Variants in C2CD3 observed in about 807,000 individuals in gnomAD.
C2CD3 encodes the protein C2 domain-containing protein 3.
A neutral mutation model predicts 234.0 loss-of-function variants in C2CD3; 148 were observed. The ratio of observed to expected loss-of-function variants is 0.63; its 90% CI spans 0.55 to 0.72. C2CD3 has a LOEUF of 0.72. Among genes scored for constraint, C2CD3 ranks in the 30% least tolerant of loss-of-function variants. The pLI, the probability that C2CD3 is intolerant of heterozygous loss-of-function variation, is 0.00. For missense variants in C2CD3, 2,577 were observed against 2,811.5 expected, an observed-to-expected ratio of 0.92 and a Z score of 1.89; for synonymous variants, 1,000 against 1,035.4, an observed-to-expected ratio of 0.97 and a Z score of 0.66.
chr11:74,159,119 T>C (rs1405593758), intron 3 of C2CD3, among the ~76,000 whole-genome samples: 1 of 152,226 alleles, frequency 6.6e-6, no homozygotes, highest in African/African-American at 2.4e-5. Flanking sequence ...ACTATAGTGT[T>C]GTAATGTGGT....
At chr11:74,170,486 C>G (rs895199943) in intron 1 of C2CD3, among the ~76,000 whole-genome samples, 1 of 152,196 alleles carries the variant, frequency 6.6e-6, no homozygotes, top group African/African-American at 2.4e-5. Context: ...ATTGTTTGTT[C>G]TTCTCCTCTA....
At chr11:74,043,548 C>T (rs1167323512) in intron 28 of C2CD3, among the ~76,000 whole-genome samples, 1 of 152,076 alleles carries the variant, frequency 6.6e-6, no homozygotes, top group Admixed American at 6.6e-5. Flanking sequence ...TAAGGAACTT[C>T]CAGATTATTT....
At chr11:74,075,945 TATGAGAGAAACGG>T (rs1293370633) in intron 23 of C2CD3, among the ~76,000 whole-genome samples, 1 of 152,154 alleles carries the variant, frequency 6.6e-6, no homozygotes. Context: ...TATGGAGAAG[TATGAGAGAAACGG>T]ATGATCTGAA....
intron 28 of C2CD3, among the ~76,000 whole-genome samples, chr11:74,044,151 T>C (rs192642306): frequency 9.7e-4 from 147 of 151,176 alleles, no homozygotes; most frequent in Middle Eastern, 3.4e-3. Context: ...CCCCTTTATA[T>C]GTTCTAGATA....
In C2CD3 at chr11:74,090,859, T is replaced by C; in HGVS notation, c.3595A>G (p.Ile1199Val). 8 of 1,614,134 alleles carry C rather than the reference T, an allele frequency of 5.0e-6. No individual in the cohort carries two copies. The highest frequency in any genetic ancestry group is 5.9e-6 in the Non-Finnish European group (7 of 1,179,984). ...CAGGCTCTGATAATCTGGACTGAGA[T>C]GGAAACAGTTCGGGCAGCAAGAACT... ...EGVLAARTVS[I>V]SVQIIRACGL... The change falls in exon 20 of 33, where the codon ATC becomes GTC. Residue 1199 changes from isoleucine (I) to valine (V), a missense_variant. Coordinates refer to ENST00000334126, the MANE Select transcript of C2CD3 (RefSeq NM_001286577.2).
At position 74,118,687 on chromosome 11, in the gene C2CD3, C is replaced by T. The variant is rs143617206; in HGVS notation, c.1366-305G>A. ...CATATGTCTGGTATTATGCTTAATGCTACATGTATATTTCTAATATTCACC... is the reference window on the plus strand; with the variant it reads ...CATATGTCTGGTATTATGCTTAATGTTACATGTATATTTCTAATATTCACC... On this transcript the variant is annotated intron_variant, in intron 8 of 32. Coordinates refer to ENST00000334126, the MANE Select transcript of C2CD3 (RefSeq NM_001286577.2). 1.7e-3 allele frequency among the ~76,000 whole-genome samples: 254 copies of T among 152,198 alleles called. 1 individual carries two copies. Among genetic ancestry groups the T allele is most frequent in the African/African-American group, 5.8e-3 (240 of 41,520 alleles).
At chr11:74,049,290 G>T in intron 27 of C2CD3, 47 bp downstream of exon 27, 3 of 1,482,322 alleles carry the variant, frequency 2.0e-6, no homozygotes, top group Non-Finnish European at 1.9e-6. Context: ...TGTTCTTATA[G>T]GTCAGTACAA....
intron 3 of C2CD3, among the ~76,000 whole-genome samples, chr11:74,159,760 A>G (rs1856317949): frequency 2.0e-5 from 3 of 151,968 alleles, no homozygotes; most frequent in Admixed American, 2.0e-4. Flanking sequence ...GTAGTCTTCT[A>G]AGTGTACAGT....
intron 10 of C2CD3, 73 bp downstream of exon 10, chr11:74,114,311 C>T: frequency 1.0e-6 from 1 of 966,972 alleles, no homozygotes; most frequent in East Asian, 2.6e-5. Flanking sequence ...CAGTATTATG[C>T]AATTGTTGAT....
intron 32 of C2CD3, among the ~76,000 whole-genome samples, chr11:74,022,427 C>T (rs913765455): frequency 2.0e-5 from 3 of 152,040 alleles, no homozygotes; most frequent in Non-Finnish European, 2.9e-5. Flanking sequence ...TCGGACAAGA[C>T]GTCTAGGATG....
chr11:74,087,328 C>T (rs1284264227), intron 20 of C2CD3, among the ~76,000 whole-genome samples: 21 of 152,044 alleles, frequency 1.4e-4, no homozygotes, highest in Admixed American at 1.4e-3. Flanking sequence ...CTTTGGGAGG[C>T]TGAGGTGGAC....
chr11:74,161,630 G>T, intron 2 of C2CD3, 74 bp from the exon 3 acceptor site: 1 of 958,504 alleles, frequency 1.0e-6, no homozygotes, highest in Non-Finnish European at 1.5e-6. Context: ...GGGTAGAGGG[G>T]TATATGCGGA....
At chr11:74,075,408 A>G (rs1377740557) in intron 23 of C2CD3, among the ~76,000 whole-genome samples, 1 of 152,130 alleles carries the variant, frequency 6.6e-6, no homozygotes, top group Non-Finnish European at 1.5e-5. Context: ...AGGAGACCAG[A>G]AATAAATACA....
chr11:74,144,179 G>T (rs575459039), intron 3 of C2CD3, among the ~76,000 whole-genome samples: 1 of 152,220 alleles, frequency 6.6e-6, no homozygotes, highest in East Asian at 1.9e-4. Context: ...GGAAGAGAAT[G>T]TGAAAGTTCA....
At chr11:74,086,300 T>C (rs925347960) in intron 20 of C2CD3, among the ~76,000 whole-genome samples, 2 of 152,236 alleles carry the variant, frequency 1.3e-5, no homozygotes, top group African/African-American at 4.8e-5. Context: ...GTTAGCTGAC[T>C]TGAGTGAGGG....
At chr11:74,122,351 C>T (rs572142056) in intron 8 of C2CD3, among the ~76,000 whole-genome samples, 2 of 152,280 alleles carry the variant, frequency 1.3e-5, no homozygotes, top group East Asian at 3.9e-4. Flanking sequence ...TGGCTTACTA[C>T]TGGGCTGATA....
chr11:74,057,118 T>C (rs1036931376), intron 25 of C2CD3, among the ~76,000 whole-genome samples: 1 of 152,080 alleles, frequency 6.6e-6, no homozygotes, highest in African/African-American at 2.4e-5. Context: ...AACTCCTCAA[T>C]TGCATGGAGT....
At chr11:74,075,606 T>C (rs538320557) in intron 23 of C2CD3, among the ~76,000 whole-genome samples, 1 of 152,282 alleles carries the variant, frequency 6.6e-6, no homozygotes, top group African/African-American at 2.4e-5. Flanking sequence ...AATCTCAAAG[T>C]TTGCTTCATT....
At chr11:74,132,456 T>C (rs1957708297) in intron 7 of C2CD3, among the ~76,000 whole-genome samples, 1 of 152,218 alleles carries the variant, frequency 6.6e-6, no homozygotes, top group African/African-American at 2.4e-5. Flanking sequence ...TTTGCAAAGT[T>C]AGGTACAATT....
Sources: allele counts gnomAD v4.1 joint callset (sites outside exome capture counted in the v4.1 genomes callset), GRCh38; gene constraint gnomAD v4.1.1; transcripts MANE v1.5; gene names NCBI Gene and HGNC (gene_info 2026-07-23, HGNC 2026-07-21).